MEIKIN: variants seen among roughly 807,000 people sequenced by gnomAD.
The protein encoded by MEIKIN is meiotic kinetochore factor.
chr5:131,868,749 G>C (rs1029145124), intron 9 of MEIKIN, among the ~76,000 whole-genome samples: 2 of 151,412 alleles, frequency 1.3e-5, no homozygotes, highest in Admixed American at 1.3e-4. Flanking sequence ...GCCCAGGCTT[G>C]TCTCAAATTC....
intron 5 of MEIKIN, among the ~76,000 whole-genome samples, chr5:131,929,867 CTTTT>C (rs772071080): frequency 2.0e-5 from 3 of 152,166 alleles, no homozygotes; most frequent in Non-Finnish European, 4.4e-5. Context: ...TGATTTCATT[CTTTT>C]TTATTTCTGT....
chr5:131,901,878 C>A (rs968571231), intron 8 of MEIKIN, among the ~76,000 whole-genome samples: 15 of 152,108 alleles, frequency 9.9e-5, no homozygotes, highest in African/African-American at 3.6e-4. Flanking sequence ...GTGCCCCTGA[C>A]CAAATCTCAT....
intron 8 of MEIKIN, among the ~76,000 whole-genome samples, chr5:131,882,751 T>C (rs1750720243): frequency 6.6e-6 from 1 of 152,150 alleles, no homozygotes; most frequent in Non-Finnish European, 1.5e-5. Context: ...ATTTCAACCA[T>C]TCATCTTCCT....
At chr5:131,860,942 T>C (rs1297318170) in intron 9 of MEIKIN, among the ~76,000 whole-genome samples, 3 of 151,220 alleles carry the variant, frequency 2.0e-5, no homozygotes, top group African/African-American at 4.9e-5. Context: ...TTGTATTTTT[T>C]AGCAGACATG....
intron 11 of MEIKIN, among the ~76,000 whole-genome samples, chr5:131,829,523 T>G (rs2133706): frequency 0.64 from 97,253 of 151,820 alleles, 33,045 homozygotes; most frequent in Non-Finnish European, 0.77. Context: ...AAATTGAAAT[T>G]TGTGGTAAAT....
intron 8 of MEIKIN, among the ~76,000 whole-genome samples, chr5:131,902,258 C>A (rs1751171440): frequency 6.6e-6 from 1 of 152,038 alleles, no homozygotes; most frequent in African/African-American, 2.4e-5. Flanking sequence ...CACGGTGAAA[C>A]CCTGTCTCTA....
chr5:131,829,979 TC>T (rs1424420154), intron 11 of MEIKIN, among the ~76,000 whole-genome samples: 1 of 152,240 alleles, frequency 6.6e-6, no homozygotes, highest in Non-Finnish European at 1.5e-5. Flanking sequence ...TGTTACAGCA[TC>T]TTTAAAGCAT....
intron 9 of MEIKIN, among the ~76,000 whole-genome samples, chr5:131,863,936 C>T (rs1354054491): frequency 1.3e-5 from 2 of 152,130 alleles, no homozygotes; most frequent in Non-Finnish European, 2.9e-5. Flanking sequence ...GTGAGGCCTC[C>T]CCAGCCATGT....
chr5:131,933,244 C>T (rs1340533252), intron 5 of MEIKIN, among the ~76,000 whole-genome samples: 1 of 152,164 alleles, frequency 6.6e-6, no homozygotes, highest in Non-Finnish European at 1.5e-5. Flanking sequence ...AGTATACATT[C>T]ATTAGGTGCA....
chr5:131,850,140 C>T (rs1379798288), intron 11 of MEIKIN, among the ~76,000 whole-genome samples: 1 of 151,498 alleles, frequency 6.6e-6, no homozygotes, highest in Non-Finnish European at 1.5e-5. Context: ...AGTCAAAGAC[C>T]TACACAATAA....
chr5:131,841,129 A>G (rs1368259092), intron 11 of MEIKIN, among the ~76,000 whole-genome samples: 1 of 151,892 alleles, frequency 6.6e-6, no homozygotes, highest in Admixed American at 6.6e-5. Flanking sequence ...TCAGCTCCCA[A>G]CTCCTGAAAT....
At chr5:131,808,323 T>C (rs1772886457) in intron 12 of MEIKIN, among the ~76,000 whole-genome samples, 1 of 152,198 alleles carries the variant, frequency 6.6e-6, no homozygotes, top group South Asian at 2.1e-4. Flanking sequence ...TTATCTCACC[T>C]ACCCTTCAAA....
intron 4 of MEIKIN, among the ~76,000 whole-genome samples, chr5:131,937,545 T>TC (rs900067860): frequency 6.6e-6 from 1 of 151,654 alleles, no homozygotes; most frequent in Non-Finnish European, 1.5e-5. Flanking sequence ...GAGTCACCTT[T>TC]CCCCCGAGAA....
chr5:131,845,076 C>G (rs1749988679), intron 11 of MEIKIN, among the ~76,000 whole-genome samples: 1 of 151,938 alleles, frequency 6.6e-6, no homozygotes, highest in African/African-American at 2.4e-5. Context: ...CGAGACCATC[C>G]TGGCTAACAC....
At chr5:131,871,412 A>T (rs4327590) in intron 9 of MEIKIN, among the ~76,000 whole-genome samples, 117,989 of 152,142 alleles carry the variant, frequency 0.78, 45,975 homozygotes, top group Middle Eastern at 0.83. Flanking sequence ...AGCATAGCAG[A>T]CTGAGATCAA....
intron 8 of MEIKIN, among the ~76,000 whole-genome samples, chr5:131,902,302 G>A (rs1247743241): frequency 2.6e-5 from 4 of 152,106 alleles, no homozygotes; most frequent in Middle Eastern, 3.2e-3. Context: ...GTATGGTGGT[G>A]CACACCTGTG....
intron 8 of MEIKIN, among the ~76,000 whole-genome samples, chr5:131,892,680 G>C (rs868859963): frequency 2.6e-5 from 4 of 152,182 alleles, no homozygotes; most frequent in African/African-American, 9.7e-5. Context: ...TTAGCTCGGA[G>C]TAGTTTGATC....
intron 11 of MEIKIN, among the ~76,000 whole-genome samples, chr5:131,844,243 G>C (rs1178266162): frequency 6.6e-6 from 1 of 152,044 alleles, no homozygotes; most frequent in African/African-American, 2.4e-5. Flanking sequence ...ATTTGGGAGA[G>C]GACACAGAGC....
intron 7 of MEIKIN, among the ~76,000 whole-genome samples, chr5:131,912,510 T>C (rs1191512837): frequency 6.6e-6 from 1 of 152,070 alleles, no homozygotes; most frequent in East Asian, 1.9e-4. Context: ...GCTCAGCCTC[T>C]GACCACAAAA....
Sources: gnomAD v4.1 joint callset for allele counts (sites outside exome capture counted in the v4.1 genomes callset) on GRCh38, gnomAD v4.1.1 for gene constraint, MANE v1.5 for transcripts, NCBI Gene and HGNC (gene_info 2026-07-23, HGNC 2026-07-21) for gene names.